PWWP2A: variants seen among roughly 807,000 people sequenced by gnomAD.
PWWP2A encodes PWWP domain containing 2A, also known as PWWP domain-containing protein 2A.
In PWWP2A, 18 loss-of-function variants were observed where a neutral mutation model predicts 48.5. The observed-to-expected ratio is 0.37, with a 90% CI of 0.26 to 0.55. The LOEUF is 0.55. Among genes scored for constraint, PWWP2A ranks in the 20% least tolerant of loss-of-function variants. The pLI, the probability that PWWP2A is intolerant of heterozygous loss-of-function variation, is 0.81. For synonymous variants in PWWP2A, 396 were observed against 387.7 expected, an observed-to-expected ratio of 1.02 and a Z score of -0.25; for missense variants, 867 against 976.4, an observed-to-expected ratio of 0.89 and a Z score of 1.49.
At chr5:160,068,630 T>C (rs1446092489) in intron 2 of PWWP2A, among the ~76,000 whole-genome samples, 3 of 152,192 alleles carry the variant, frequency 2.0e-5, no homozygotes, top group Non-Finnish European at 2.9e-5. Context: ...CTTTTAGAAT[T>C]GCCCTGGAGA....
intron 2 of PWWP2A, among the ~76,000 whole-genome samples, chr5:160,084,450 A>T (rs1199313672): frequency 6.6e-6 from 1 of 152,154 alleles, no homozygotes; most frequent in Admixed American, 6.5e-5. Flanking sequence ...GTGTTTTGAG[A>T]CAGGGTCTCA....
chr5:160,050,627 C>CTTTT, the PWWP2A span, among the ~76,000 whole-genome samples: 1 of 109,336 alleles, frequency 9.1e-6, no homozygotes, highest in Admixed American at 9.6e-5. Context: ...CCAAACAAAA[C>CTTTT]TTTTTTTTTT....
At chr5:160,087,303 C>T (rs1754713913), downstream of PWWP2A, among the ~76,000 whole-genome samples, 1 of 150,498 alleles carries the variant, frequency 6.6e-6, no homozygotes, top group African/African-American at 2.4e-5. Context: ...GGTGGGAGAA[C>T]TGCTTGACCC....
intron 4 of PWWP2A, chr5:160,065,433 A>C (rs762209105): frequency 2.1e-6 from 1 of 466,962 alleles, no homozygotes; most frequent in Non-Finnish European, 4.3e-6. Context: ...CTGCCCAGAC[A>C]TGATTGATGA....
chr5:160,105,025 T>C (rs1458169472), intron 1 of PWWP2A, among the ~76,000 whole-genome samples: 1 of 152,106 alleles, frequency 6.6e-6, no homozygotes, highest in Non-Finnish European at 1.5e-5. Context: ...GAGTATCGTT[T>C]GAGCCTAGGT....
chr5:160,057,709 A>G (rs1757578979), downstream of PWWP2A, among the ~76,000 whole-genome samples: 1 of 152,168 alleles, frequency 6.6e-6, no homozygotes, highest in East Asian at 1.9e-4. The surrounding 1 kb of genome is among the most constrained non-coding windows in gnomAD (Gnocchi z 4.4). Flanking sequence ...TATTGGACTC[A>G]GTCCTCTCAA....
At chr5:160,046,137 T>C in the PWWP2A span, among the ~76,000 whole-genome samples, 2 of 152,230 alleles carry the variant, frequency 1.3e-5, no homozygotes, top group South Asian at 4.1e-4. Flanking sequence ...AATAATTGTC[T>C]ATACTTGGCT....
chr5:160,071,358 A>AATAG (rs1201544356), downstream of PWWP2A, among the ~76,000 whole-genome samples: 4 of 152,140 alleles, frequency 2.6e-5, no homozygotes, highest in Admixed American at 6.5e-5. Context: ...TTACTGCCTG[A>AATAG]ATAGATAGTG....
downstream of PWWP2A, among the ~76,000 whole-genome samples, chr5:160,057,968 T>C (rs866579356): frequency 2.6e-5 from 4 of 152,338 alleles, no homozygotes; most frequent in South Asian, 6.2e-4. This position sits in a 1 kb window ranked among gnomAD's most constrained non-coding sequence, Gnocchi z 4.4. Context: ...GTTTTCACCA[T>C]GTTGGCCAGG....
intron 1 of PWWP2A, among the ~76,000 whole-genome samples, chr5:160,099,136 G>C (rs566778486): frequency 6.6e-6 from 1 of 152,262 alleles, no homozygotes; most frequent in East Asian, 1.9e-4. Flanking sequence ...TTTTCTAAGG[G>C]AAGACATTTA....
chr5:160,117,922 A>G, intron 1 of PWWP2A: 5 of 971,470 alleles, frequency 5.1e-6, no homozygotes, highest in Non-Finnish European at 6.1e-6. Flanking sequence ...TCTGCACTTC[A>G]TATCTGCAAA....
chr5:160,102,011 G>A (rs112506838), intron 1 of PWWP2A, among the ~76,000 whole-genome samples: 5 of 151,718 alleles, frequency 3.3e-5, no homozygotes, highest in African/African-American at 9.7e-5. Context: ...TTGGGAGACT[G>A]AGGCAGGAGA....
At position 160,119,383 on chromosome 5, in the gene PWWP2A, C is replaced by T. The variant is rs1758493535; in HGVS notation, c.6G>A (p.Ala2=). 1 of 1,366,496 alleles carries T rather than the reference C, an allele frequency of 7.3e-7. No homozygotes were observed. The highest frequency in any genetic ancestry group is 9.4e-7 in the Non-Finnish European group (1 of 1,066,872). The allele number at this position is 1,366,496 out of a possible 1,614,324, so 84.6% of individuals were successfully genotyped here. A position where few individuals can be genotyped will look rare whatever the true frequency, so the allele number is the denominator to read the frequency against. M[A]AVAAEAAATA... is the part of the protein sequence containing the mutation. ...TCGCTGCCGCCTCTGCAGCCACGGC[C>T]GCCATTTTCTTCCTAGCTTCTCCCT... is the stretch of plus-strand genomic sequence containing the variant. The change falls in exon 1 of 2, where the codon GCG becomes GCA. Residue 2 remains alanine (A), a synonymous_variant. Coordinates refer to ENST00000307063, the MANE Select transcript of PWWP2A (RefSeq NM_001130864.2).
intron 2 of PWWP2A, among the ~76,000 whole-genome samples, chr5:160,083,703 T>C (rs528048296): frequency 1.8e-4 from 27 of 152,258 alleles, no homozygotes; most frequent in Non-Finnish European, 2.2e-4. Flanking sequence ...TCTGAGATGG[T>C]CATCGGTCAT....
chr5:160,107,660 C>T (rs1307100809), intron 1 of PWWP2A, among the ~76,000 whole-genome samples: 1 of 152,180 alleles, frequency 6.6e-6, no homozygotes, highest in East Asian at 1.9e-4. Flanking sequence ...AAGAGCTTTA[C>T]TTTAAAATAG....
chr5:160,095,447 C>A (rs1437190642), intron 1 of PWWP2A, among the ~76,000 whole-genome samples: 1 of 152,102 alleles, frequency 6.6e-6, no homozygotes, highest in African/African-American at 2.4e-5. Flanking sequence ...AATCACACTA[C>A]CAAATAATTT....
the PWWP2A span, chr5:160,051,129 A>G: frequency 6.2e-7 from 1 of 1,602,350 alleles, no homozygotes; most frequent in Non-Finnish European, 8.5e-7. Flanking sequence ...TTTTCCTCAG[A>G]GATTACCTAA....
At position 160,118,831 on chromosome 5, in the gene PWWP2A, G is replaced by A; in HGVS notation, c.558C>T (p.Ser186=). 1.3e-6 allele frequency: 2 copies of A among 1,568,602 alleles called. No individual in the cohort carries two copies. The highest frequency in any genetic ancestry group is 1.7e-6 in the Non-Finnish European group (2 of 1,158,522). Residue 186 remains serine (S), a synonymous_variant, in exon 1 of 2, where the codon TCC becomes TCT. Transcript: ENST00000307063. Reference sequence around the variant, plus strand: ...TTTTGGACAGATCCATGAGGACCCCGGAGAAGAGCTTCTCCCCGAAGCGGA... The same window carrying A: ...TTTTGGACAGATCCATGAGGACCCCAGAGAAGAGCTTCTCCCCGAAGCGGA... ...VSFRFGEKLF[S]GVLMDLSKRF... is the part of the protein sequence containing the mutation.
the PWWP2A span, chr5:160,049,422 C>T: frequency 8.2e-7 from 1 of 1,222,730 alleles, no homozygotes; most frequent in South Asian, 1.9e-5. Context: ...CTTTCGTATC[C>T]TTGGAGGATG....
Sources: gnomAD v4.1 joint callset for allele counts (sites outside exome capture counted in the v4.1 genomes callset) on GRCh38, gnomAD v4.1.1 for gene constraint, Gnocchi (gnomAD v3.1) non-coding constraint, MANE v1.5 for transcripts, NCBI Gene and HGNC (gene_info 2026-07-23, HGNC 2026-07-21) for gene names.